Variants in AHNAK2 observed in about 807,000 individuals in gnomAD.
AHNAK2 encodes the protein protein AHNAK2.
Under a neutral mutation model 30.7 loss-of-function variants are expected in AHNAK2, and 18 were observed. The ratio of observed to expected loss-of-function variants is 0.59; its 90% CI spans 0.41 to 0.87. AHNAK2 has a LOEUF of 0.87. Ranked by LOEUF, AHNAK2 falls within the 40% of genes least tolerant of loss-of-function variation. The probability of loss-of-function intolerance (pLI) is 0.00; values close to 1 mark genes in which losing one functional copy is unlikely to be tolerated. For synonymous variants in AHNAK2, 3,590 were observed against 3,073.8 expected (o/e 1.17, Z -5.56); for missense variants, 8,604 against 7,373.0 (o/e 1.17, Z -6.11).
rs1272725206 is a variant in AHNAK2, at chr14:104,939,351, TG to T, written c.16099del (p.Gln5367ArgfsTer16). 1 of 1,613,602 alleles carries T rather than the reference TG, an allele frequency of 6.2e-7. No individual in the cohort carries two copies. On this transcript the variant is annotated frameshift_variant, in exon 7 of 7. Coordinates refer to ENST00000333244, the MANE Select transcript of AHNAK2 (RefSeq NM_138420.4). LOFTEE classifies it low-confidence loss of function (END_TRUNC). ...TTGATCCACATTAACCACAGAAATC[TG>T]GGATGGCATATCAGTACTTGAAGCT... ...LKASSTDMPS[Q>X]ISVVNVDQLW... is the part of the protein sequence containing the mutation.
chr14:104,956,595 C>A lies in AHNAK2; in HGVS notation c.308G>T (p.Arg103Leu). The A allele has an allele frequency of 6.2e-7, 1 of 1,613,832 alleles. No homozygotes were observed. Among genetic ancestry groups the A allele is most frequent in the Non-Finnish European group, 8.5e-7 (1 of 1,179,830 alleles). The change falls in exon 4 of 7, where the codon CGT (arginine) becomes CTT (leucine). Residue 103 changes from arginine (R) to leucine (L), a missense_variant. Arg to Leu is a moderately radical substitution (Grantham distance 102). Transcript: ENST00000333244. ...AGCTCCTGCTGTACCCACCTCTGGA[C>A]GACTCATCCTGAAAAATGTCCGTGA... ...GDSRTFFRMSRPEAVQEATEV... is the reference protein window; with the variant it reads ...GDSRTFFRMSLPEAVQEATEV...
rs749865089 is a variant in AHNAK2 at position 104,950,113 on chromosome 14, G to C, written c.5338C>G (p.Pro1780Ala). The change falls in exon 7 of 7, where the codon CCC (proline) becomes GCC (alanine). Residue 1780 changes from proline (P) to alanine (A), a missense_variant. Coordinates refer to ENST00000333244, the MANE Select transcript of AHNAK2 (RefSeq NM_138420.4). ...CTGGGCAGAGACACCTCCACGTCGG[G>C]GGCCATCACCTCCGCCTTGGGGCCT... ...LKGPKAEVMA[P>A]DVEVSLPSVE... 2 of 1,586,812 alleles carry C rather than the reference G, an allele frequency of 1.3e-6. No individual in the cohort carries two copies. Among genetic ancestry groups the C allele is most frequent in the Non-Finnish European group, 1.7e-6 (2 of 1,163,024 alleles).
In AHNAK2 at chr14:104,938,887, TTAA is replaced by T. The variant is rs1897892097; in HGVS notation, c.16561_16563del (p.Leu5521del). On this transcript the variant is annotated inframe_deletion, in exon 7 of 7. Transcript: ENST00000333244. Reference sequence around the variant, plus strand: ...GTGTGGGGCTCTGGGATTTTCACTTTTAATAAGGAAAATCCGTACGAAGGTGTT... The same window carrying T: ...GTGTGGGGCTCTGGGATTTTCACTTTTAAGGAAAATCCGTACGAAGGTGTT... The T allele has an allele frequency of 6.2e-7, 1 of 1,613,780 alleles. No individual in the cohort carries two copies. Among genetic ancestry groups the T allele is most frequent in the African/African-American group, 1.3e-5 (1 of 75,024 alleles).
Position 104,951,936 on chromosome 14 carries a change from G to A in AHNAK2, c.3515C>T (p.Ser1172Leu), listed in dbSNP as rs185755924. ...CTTGCCTGGGGCTGACGCCCCGAAC[G>A]ATGGCATCTTGAACTTGGGCATTTT... ...RFKMPKFKMP[S>L]FGASAPGKSI... is the part of the protein sequence containing the mutation. Residue 1172 changes from serine to leucine, a missense_variant, in exon 7 of 7, where the codon TCG becomes TTG. Coordinates refer to ENST00000333244, the MANE Select transcript of AHNAK2 (RefSeq NM_138420.4). 897 of 1,610,332 alleles carry A rather than the reference G, an allele frequency of 5.6e-4. 30 individuals carry two copies. In the African/African-American group the frequency reaches 0.01, roughly 19 times the overall value.
intron 1 of AHNAK2, among the ~76,000 whole-genome samples, chr14:104,960,251 A>G (rs1055097570): frequency 6.6e-6 from 1 of 152,230 alleles, no homozygotes; most frequent in Non-Finnish European, 1.5e-5. Flanking sequence ...TCAGCCTCTC[A>G]TATCAGTGGT....
At position 104,951,275 on chromosome 14, in the gene AHNAK2, C is replaced by T; in HGVS notation, c.4176G>A (p.Leu1392=). ...CGGGGCCCTCTGGGAGTTTCACGTC[C>T]AATTGGCCAGCCTGGAGCTCCAGGT... ...STDLELQAGQ[L]DVKLPEGPVP... is the part of the protein sequence containing the mutation. The change falls in exon 7 of 7, where the codon TTG becomes TTA. Residue 1392 remains leucine (L), a synonymous_variant. Coordinates refer to ENST00000333244, the MANE Select transcript of AHNAK2 (RefSeq NM_138420.4). 2.8e-6 allele frequency: 3 copies of T among 1,060,790 alleles called. 1 individual carries two copies. The highest frequency in any genetic ancestry group is 1.6e-5 in the South Asian group (1 of 62,202). The allele number at this position is 1,060,790 out of a possible 1,614,324, so 65.7% of individuals were successfully genotyped here. A position where few individuals can be genotyped will look rare whatever the true frequency, so the allele number is the denominator to read the frequency against.
chr14:104,955,019 G>C lies in AHNAK2; in HGVS notation c.589C>G (p.Pro197Ala), dbSNP rs571160382. ...CTGGAAGCCCACTCTTCATCCTGTG[G>C]GGCAGGGAGCTGCCGTCTGATTTTG... The part of the protein sequence containing the change: ...QFKIRRQLPA[P>A]QDEEWASSDA... Residue 197 changes from proline to alanine, a missense_variant, in exon 6 of 7, where the codon CCA (proline) becomes GCA (alanine). Transcript: ENST00000333244. The C allele has an allele frequency of 5.0e-6, 8 of 1,613,740 alleles. No individual in the cohort carries two copies. The South Asian group carries it at 5.5e-5, about 11-fold the overall frequency.
At position 104,958,047 on chromosome 14, in the gene AHNAK2, GAAGA is replaced by G. The variant is rs374458101; in HGVS notation, c.56-379_56-376del. On this transcript the variant is annotated intron_variant, in intron 1 of 6. Coordinates refer to ENST00000333244, the MANE Select transcript of AHNAK2 (RefSeq NM_138420.4). ...GCCACCAAAAAATTACAAGTTACGC[GAAGA>G]AACAAGAATGTATGGTCCATACTGA... 9.7e-4 allele frequency among the ~76,000 whole-genome samples: 148 copies of G among 152,334 alleles called. 1 individual carries two copies. In the South Asian group the frequency reaches 0.03, roughly 30 times the overall value.
In AHNAK2 at chr14:104,942,458, G is replaced by A. The variant is rs200869281; in HGVS notation, c.12993C>T (p.Asp4331=). ...LDVSALKVEA[D]VSLPSMQGDL... Reference sequence around the variant, plus strand: ...CCCCCTGCATGGAGGGGAGGCTCACGTCAGCCTCCACCTTCAGCGCAGACA... The same window carrying A: ...CCCCCTGCATGGAGGGGAGGCTCACATCAGCCTCCACCTTCAGCGCAGACA... The change falls in exon 7 of 7, where the codon GAC becomes GAT. Residue 4331 remains aspartate (D), a synonymous_variant. Coordinates refer to ENST00000333244, the MANE Select transcript of AHNAK2 (RefSeq NM_138420.4). The A allele has an allele frequency of 3.7e-4, 595 of 1,612,680 alleles. No individual in the cohort carries two copies. The Middle Eastern group carries it at 4.3e-3, about 12-fold the overall frequency.
chr14:104,958,741 T>C (rs1458062425), intron 1 of AHNAK2, among the ~76,000 whole-genome samples: 1 of 151,996 alleles, frequency 6.6e-6, no homozygotes, highest in Non-Finnish European at 1.5e-5. Flanking sequence ...GCATTAACCA[T>C]AAGATAAAGA....
chr14:104,949,231 C>T lies in AHNAK2; in HGVS notation c.6220G>A (p.Val2074Met). Residue 2074 changes from valine (V) to methionine (M), a missense_variant, in exon 7 of 7, where the codon GTG becomes ATG. Physicochemically the swap from Val to Met is conservative, Grantham distance 21. Transcript: ENST00000333244. Reference protein sequence around the residue: ...GAGLKGHLPKVEMPSLKMPKV... With the variant: ...GAGLKGHLPKMEMPSLKMPKV... ...GGCATCTTCAAACTGGGCATCTCCACCTTGGGCAGGTGCCCTTTGAGGCCA... is the reference window on the plus strand; with the variant it reads ...GGCATCTTCAAACTGGGCATCTCCATCTTGGGCAGGTGCCCTTTGAGGCCA... The T allele has an allele frequency of 2.8e-6, 3 of 1,067,956 alleles. 1 individual carries two copies. The South Asian group carries it at 4.6e-5, about 16-fold the overall frequency. The allele number at this position is 1,067,956 out of a possible 1,614,324, so 66.2% of individuals were successfully genotyped here. A position where few individuals can be genotyped will look rare whatever the true frequency, so the allele number is the denominator to read the frequency against.
Position 104,966,598 on chromosome 14 carries a change from T to C in AHNAK2, c.56-8926A>G, listed in dbSNP as rs1327190119. 6.6e-6 allele frequency among the ~76,000 whole-genome samples: 1 copy of C among 151,894 alleles called. No individual in the cohort carries two copies. The highest frequency in any genetic ancestry group is 2.4e-5 in the African/African-American group (1 of 41,368). On this transcript the variant is annotated intron_variant, in intron 1 of 6. Coordinates refer to ENST00000333244, the MANE Select transcript of AHNAK2 (RefSeq NM_138420.4). This position sits in a 1 kb window ranked among gnomAD's most constrained non-coding sequence, Gnocchi z 4.3. ...CAGCCCCACCGCTCTGCCTCCCAGATGGCTGCCAAACCCTCCACTCCTTGC... is the reference window on the plus strand; with the variant it reads ...CAGCCCCACCGCTCTGCCTCCCAGACGGCTGCCAAACCCTCCACTCCTTGC...
At position 104,949,378 on chromosome 14, in the gene AHNAK2, G is replaced by T; in HGVS notation, c.6073C>A (p.Pro2025Thr). Residue 2025 changes from proline to threonine, a missense_variant, in exon 7 of 7, where the codon CCC (proline) becomes ACC (threonine). Physicochemically the swap from Pro to Thr is conservative, Grantham distance 38 (BLOSUM62 -1). Coordinates refer to ENST00000333244, the MANE Select transcript of AHNAK2 (RefSeq NM_138420.4). ...GTCTTCAGGTCCCCCTGCATGGAGG[G>T]GAGACTCACGTCGGCCTCCACCTTG... Reference protein sequence around the residue: ...APKVEADVSLPSMQGDLKTTD... With the variant: ...APKVEADVSLTSMQGDLKTTD... 1 of 1,578,628 alleles carries T rather than the reference G, an allele frequency of 6.3e-7. No individual in the cohort carries two copies. The highest frequency in any genetic ancestry group is 8.6e-7 in the Non-Finnish European group (1 of 1,157,088).
Position 104,955,014 on chromosome 14 carries a change from C to T in AHNAK2, c.594G>A (p.Gln198=), listed in dbSNP as rs1346221118. The change falls in exon 6 of 7, where the codon CAG becomes CAA. Residue 198 remains glutamine (Q), a synonymous_variant. Transcript: ENST00000333244. ...FKIRRQLPAP[Q]DEEWASSDAQ... ...CATCGCTGGAAGCCCACTCTTCATC[C>T]TGTGGGGCAGGGAGCTGCCGTCTGA... The T allele has an allele frequency of 6.2e-6, 10 of 1,613,630 alleles. No individual in the cohort carries two copies. The highest frequency in any genetic ancestry group is 8.5e-6 in the Non-Finnish European group (10 of 1,179,886).
Position 104,947,836 on chromosome 14 carries a change from C to G in AHNAK2, c.7615G>C (p.Asp2539His), listed in dbSNP as rs1490029976. Residue 2539 changes from aspartate to histidine, a missense_variant, in exon 7 of 7, where the codon GAC (aspartate) becomes CAC (histidine). Physicochemically the swap from Asp to His is moderately conservative, Grantham distance 81. Coordinates refer to ENST00000333244, the MANE Select transcript of AHNAK2 (RefSeq NM_138420.4). ...ACTTGGCCAGCCTGGACCTCCAGGTCAGCGGAAGGGGGCTGAATGCTGAGG... is the reference window on the plus strand; with the variant it reads ...ACTTGGCCAGCCTGGACCTCCAGGTGAGCGGAAGGGGGCTGAATGCTGAGG... Reference protein sequence around the residue: ...TDLSIQPPSADLEVQAGQVDV... With the variant: ...TDLSIQPPSAHLEVQAGQVDV... 4.3e-6 allele frequency: 7 copies of G among 1,612,070 alleles called. No homozygotes were observed. The South Asian group carries it at 4.4e-5, about 10-fold the overall frequency.
In AHNAK2 at chr14:104,945,166, C is replaced by T. The variant is rs1193188758; in HGVS notation, c.10285G>A (p.Val3429Ile). The T allele has an allele frequency of 6.2e-7, 1 of 1,613,262 alleles. No individual in the cohort carries two copies. The highest frequency in any genetic ancestry group is 8.5e-7 in the Non-Finnish European group (1 of 1,179,750). Reference protein sequence around the residue: ...DLKVPKAEVTVPDVEVSLPSV... With the variant: ...DLKVPKAEVTIPDVEVSLPSV... Reference sequence around the variant, plus strand: ...GGCAGAGACACCTCCACATCAGGGACTGTCACTTCCGCCTTGGGGACTTTT... The same window carrying T: ...GGCAGAGACACCTCCACATCAGGGATTGTCACTTCCGCCTTGGGGACTTTT... Residue 3429 changes from valine to isoleucine, a missense_variant, in exon 7 of 7, where the codon GTC (valine) becomes ATC (isoleucine). By Grantham distance (29) the Val-to-Ile change is conservative (BLOSUM62 3). Transcript: ENST00000333244.
rs376730138 is a variant in AHNAK2 at position 104,950,787 on chromosome 14, C to A, written c.4664G>T (p.Gly1555Val). 26 of 1,586,852 alleles carry A rather than the reference C, an allele frequency of 1.6e-5. 2 individuals are homozygous for A. The highest frequency in any genetic ancestry group is 7.8e-5 in the South Asian group (7 of 89,714). The change falls in exon 7 of 7, where the codon GGC becomes GTC. Residue 1555 changes from glycine (G) to valine (V), a missense_variant. Physicochemically the swap from Gly to Val is moderately radical, Grantham distance 109 (BLOSUM62 -3). Transcript: ENST00000333244. ...CTCTGGGAGTTTCACGTCCACTTGG[C>A]CAGCCTGGACCTCCAGGTCAGCAGA... ...PPSADLEVQA[G>V]QVDVKLPEGP...
chr14:104,937,822 T>C lies in AHNAK2; in HGVS notation c.*241A>G. 1 of 485,122 alleles carries C rather than the reference T, an allele frequency of 2.1e-6. No individual in the cohort carries two copies. Among genetic ancestry groups the C allele is most frequent in the East Asian group, 3.2e-5 (1 of 30,896 alleles). 30.1% of individuals were successfully genotyped at this position (485,122 alleles called of 1,614,324 possible). ...GAGTACCGTGTGAATTCTGGTGTCTTGTGGAAGTCAGGGTGCCTTCTTTGC... is the reference window on the plus strand; with the variant it reads ...GAGTACCGTGTGAATTCTGGTGTCTCGTGGAAGTCAGGGTGCCTTCTTTGC... On this transcript the variant is annotated 3_prime_UTR_variant, in exon 7 of 7. Coordinates refer to ENST00000333244, the MANE Select transcript of AHNAK2 (RefSeq NM_138420.4).
chr14:104,978,175 G>A lies in AHNAK2; in HGVS notation c.55+8C>T, dbSNP rs1899645390. 2 of 1,212,118 alleles carry A rather than the reference G, an allele frequency of 1.7e-6. No homozygotes were observed. The highest frequency in any genetic ancestry group is 2.1e-6 in the Non-Finnish European group (2 of 974,922). 75.1% of individuals were successfully genotyped at this position (1,212,118 alleles called of 1,614,324 possible). A position where few individuals can be genotyped will look rare whatever the true frequency, so the allele number is the denominator to read the frequency against. On this transcript the variant is annotated splice_region_variant and intron_variant, in intron 1 of 6. Transcript: ENST00000333244. ...AGGGGAGCGGGCTGCAGGCGGGGAG[G>A]GGCGCACCGCTGCCGGGGGTTCCGG...
Sources: gnomAD v4.1 joint callset for allele counts (sites outside exome capture counted in the v4.1 genomes callset) on GRCh38, gnomAD v4.1.1 for gene constraint, Gnocchi (gnomAD v3.1) non-coding constraint, MANE v1.5 for transcripts, NCBI Gene and HGNC (gene_info 2026-07-23, HGNC 2026-07-21) for gene names.